TENM1: variants seen among roughly 807,000 people sequenced by gnomAD.
The protein encoded by TENM1 is teneurin transmembrane protein 1.
TENM1 carries 35 observed loss-of-function variants against 174.8 expected under a neutral mutation model. The ratio of observed to expected loss-of-function variants is 0.20; its 90% CI spans 0.15 to 0.27. The LOEUF (loss-of-function observed/expected upper bound fraction) is 0.27. Ranked by LOEUF, TENM1 falls within the 10% of genes least tolerant of loss-of-function variation. TENM1 has a pLI of 1.00. For synonymous variants in TENM1, 781 were observed against 798.7 expected, an observed-to-expected ratio of 0.98 and a Z score of 0.37; for missense variants, 1,633 against 2,130.1, an observed-to-expected ratio of 0.77 and a Z score of 4.59.
intron 3 of TENM1, among the ~76,000 whole-genome samples, chrX:124,737,672 T>G (rs2053706301): frequency 8.9e-6 from 1 of 112,280 alleles, no homozygotes; most frequent in African/African-American, 3.2e-5. Context: ...GGAAAGGATG[T>G]GAGCTTGCCT....
At chrX:125,024,813 C>G in the TENM1 span, among the ~76,000 whole-genome samples, 1 of 111,837 alleles carries the variant, frequency 8.9e-6, no homozygotes, top group Non-Finnish European at 1.9e-5. Context: ...TTATTCTCAT[C>G]TAATTACTAT....
intron 5 of TENM1, among the ~76,000 whole-genome samples, chrX:124,684,480 T>C (rs1323025988): frequency 6.2e-5 from 7 of 112,418 alleles, no homozygotes; most frequent in Non-Finnish European, 1.3e-4. Flanking sequence ...CCCAGCACCA[T>C]GCCCACCCCA....
intron 11 of TENM1, among the ~76,000 whole-genome samples, chrX:124,581,974 C>T (rs1175205118): frequency 1.8e-5 from 2 of 111,571 alleles, no homozygotes; most frequent in African/African-American, 3.3e-5. Flanking sequence ...TTTACTGCAC[C>T]TATCAACCCA....
At chrX:124,855,182 G>A (rs1263449095) in intron 3 of TENM1, among the ~76,000 whole-genome samples, 1 of 111,392 alleles carries the variant, frequency 9.0e-6, no homozygotes, top group Admixed American at 9.6e-5. Flanking sequence ...CATATGTTTC[G>A]CATTTGACAA....
At chrX:124,502,660 TA>T (rs1164583762) in intron 19 of TENM1, among the ~76,000 whole-genome samples, 17 of 110,964 alleles carry the variant, frequency 1.5e-4, no homozygotes, top group African/African-American at 5.5e-4. Flanking sequence ...TCTTTGCTCT[TA>T]AAAAAAAATA....
the TENM1 span, among the ~76,000 whole-genome samples, chrX:125,174,878 C>A: frequency 8.9e-6 from 1 of 111,814 alleles, no homozygotes; most frequent in South Asian, 3.7e-4. Context: ...ACTCAAATTA[C>A]TTTAACTGCC....
the TENM1 span, among the ~76,000 whole-genome samples, chrX:125,063,743 T>A: frequency 5.4e-5 from 6 of 111,507 alleles, no homozygotes; most frequent in Non-Finnish European, 7.5e-5. Flanking sequence ...ATTGTGGAAG[T>A]CGGTGTGGTG....
intron 11 of TENM1, among the ~76,000 whole-genome samples, chrX:124,566,414 T>C (rs1441235756): frequency 8.9e-6 from 1 of 112,106 alleles, no homozygotes; most frequent in Non-Finnish European, 1.9e-5. Context: ...TGTTGAGAAA[T>C]GCTGAATATT....
intron 6 of TENM1, among the ~76,000 whole-genome samples, chrX:124,659,848 A>C: frequency 8.9e-6 from 1 of 111,739 alleles, no homozygotes. Flanking sequence ...CTGATTTTCG[A>C]CAAGGTCACC....
At chrX:124,825,214 G>T (rs2056131009) in intron 3 of TENM1, among the ~76,000 whole-genome samples, 1 of 90,051 alleles carries the variant, frequency 1.1e-5, no homozygotes, top group African/African-American at 4.3e-5. Context: ...CCAGGCTAGA[G>T]TGCAGTGGTA....
intron 6 of TENM1, among the ~76,000 whole-genome samples, chrX:124,655,193 C>T (rs909936046): frequency 4.5e-5 from 5 of 111,384 alleles, no homozygotes; most frequent in African/African-American, 1.3e-4. Context: ...AAGCTAACCC[C>T]GTGATTGTGA....
intron 22 of TENM1, among the ~76,000 whole-genome samples, chrX:124,480,192 G>GA (rs2046812488): frequency 9.0e-6 from 1 of 111,499 alleles, no homozygotes; most frequent in Non-Finnish European, 1.9e-5. Context: ...TATTTCAGTA[G>GA]AAAAAATCTC....
chrX:124,432,391 G>GTTTA (rs200030917), intron 23 of TENM1, among the ~76,000 whole-genome samples: 35,154 of 108,240 alleles, frequency 0.32, 5,027 homozygotes, highest in East Asian at 0.86. Context: ...TACACTCCCA[G>GTTTA]TTTATTTATT....
intron 11 of TENM1, among the ~76,000 whole-genome samples, chrX:124,638,626 A>C (rs955748076): frequency 9.0e-6 from 1 of 111,396 alleles, no homozygotes; most frequent in Non-Finnish European, 1.9e-5. Context: ...CTCCCTGGAC[A>C]GTAGCTTGCA....
intron 25 of TENM1, chrX:124,411,896 C>T (rs1466273927): frequency 4.5e-5 from 5 of 112,111 alleles, no homozygotes; most frequent in African/African-American, 9.7e-5. Flanking sequence ...TGTTTCCCTT[C>T]GGTGCCTCCA....
chrX:124,579,767 C>A (rs1403726081), intron 11 of TENM1, among the ~76,000 whole-genome samples: 1 of 111,842 alleles, frequency 8.9e-6, no homozygotes, highest in Non-Finnish European at 1.9e-5. Context: ...ATTGATTTAA[C>A]AAACATTTAT....
chrX:124,615,452 G>A lies in TENM1; in HGVS notation c.2077+26339C>T, dbSNP rs184995788. On this transcript the variant is annotated intron_variant, in intron 11 of 31. Coordinates refer to ENST00000422452, the Ensembl canonical transcript of TENM1. ...GCCTTAGTTTCCTGATCTGTCAATTGTGAACAATCATTTCCTCACAGGTTG... is the reference window on the plus strand; with the variant it reads ...GCCTTAGTTTCCTGATCTGTCAATTATGAACAATCATTTCCTCACAGGTTG... Among the ~76,000 whole-genome samples the A allele has an allele frequency of 2.9e-4, 31 of 106,094 alleles. No homozygotes were observed. The East Asian group carries it at 3.4e-3, about 12-fold the overall frequency. The allele number at this position is 106,094 out of a possible 115,157, so 92.1% of individuals were successfully genotyped here. A position where few individuals can be genotyped will look rare whatever the true frequency, so the allele number is the denominator to read the frequency against.
the TENM1 span, among the ~76,000 whole-genome samples, chrX:125,104,654 T>C: frequency 1.8e-5 from 2 of 111,094 alleles, no homozygotes; most frequent in South Asian, 7.7e-4. Flanking sequence ...TAAAACTACA[T>C]TATTAAACAA....
At position 124,645,347 on chromosome X, in the gene TENM1, G is replaced by T. The variant is rs773657041; in HGVS notation, c.1682-10C>A. On this transcript the variant is annotated splice_polypyrimidine_tract_variant and intron_variant, in intron 9 of 31. Transcript: ENST00000422452. The stretch of plus-strand genomic sequence containing the variant: ...AGCACAGGGCAGGAATCTGAAGGTT[G>T]GCAAATGAACTTGTAATGTTCTCAT... The T allele has an allele frequency of 5.0e-5, 60 of 1,197,123 alleles. No individual in the cohort carries two copies. The highest frequency in any genetic ancestry group is 6.8e-5 in the Non-Finnish European group (60 of 886,520).
Sources: gnomAD v4.1 joint callset for allele counts (sites outside exome capture counted in the v4.1 genomes callset) on GRCh38, gnomAD v4.1.1 for gene constraint, MANE v1.5 for transcripts, NCBI Gene and HGNC (gene_info 2026-07-23, HGNC 2026-07-21) for gene names.